MYO15A: variants seen among roughly 807,000 people sequenced by gnomAD.
MYO15A encodes the protein myosin XVA.
In MYO15A, 308 loss-of-function variants were observed where a neutral mutation model predicts 394.6. The observed-to-expected ratio is 0.78, with a 90% confidence interval of 0.71 to 0.86. The LOEUF is 0.86. MYO15A is among the 40% of genes least tolerant of loss of function. MYO15A has a pLI of 0.00. For synonymous variants in MYO15A, 1,957 were observed against 2,003.8 expected, an observed-to-expected ratio of 0.98 and a Z score of 0.62; for missense variants, 4,606 against 4,799.1, an observed-to-expected ratio of 0.96 and a Z score of 1.19.
rs2046383362 is a variant in MYO15A, at chr17:18,141,641, G to GC, written c.5532-7dup. ...TCTCATAGCCCCAGACTAACTTTGG[G>GC]CCCCCTACCAGGTACTGCTGTCTAG... On this transcript the variant is annotated splice_polypyrimidine_tract_variant and intron_variant, in intron 22 of 65. Coordinates refer to ENST00000647165, the MANE Select transcript of MYO15A (RefSeq NM_016239.4). 8.7e-6 allele frequency: 14 copies of GC among 1,613,148 alleles called. No homozygotes were observed. Among genetic ancestry groups the GC allele is most frequent in the Non-Finnish European group, 1.2e-5 (14 of 1,179,374 alleles).
chr17:18,147,907 C>A lies in MYO15A; in HGVS notation c.6510-122C>A. 2 of 1,266,938 alleles carry A rather than the reference C, an allele frequency of 1.6e-6. No homozygotes were observed. The highest frequency in any genetic ancestry group is 1.2e-5 in the South Asian group (1 of 80,958). The allele number at this position is 1,266,938 out of a possible 1,614,324, so 78.5% of individuals were successfully genotyped here. A position where few individuals can be genotyped will look rare whatever the true frequency, so the allele number is the denominator to read the frequency against. ...GAGCCTTTTTAGCCTCACCTTGGAG[C>A]TCTGGAGTAGCCTGGGCCTTTCTCA... On this transcript the variant is annotated intron_variant, in intron 30 of 65. Coordinates refer to ENST00000647165, the MANE Select transcript of MYO15A (RefSeq NM_016239.4). This position sits in a 1 kb window ranked among gnomAD's most constrained non-coding sequence, Gnocchi z 4.4.
Position 18,125,181 on chromosome 17 carries a change from A to G in MYO15A, c.3706A>G (p.Thr1236Ala). Residue 1236 changes from threonine to alanine, a missense_variant, in exon 4 of 66, where the codon ACC (threonine) becomes GCC (alanine). By Grantham distance (58) the Thr-to-Ala change is moderately conservative. This residue lies in a region of MYO15A where 2,776 missense variants were observed against 3,109.3 expected (regional missense o/e 0.89). Coordinates refer to ENST00000647165, the MANE Select transcript of MYO15A (RefSeq NM_016239.4). The stretch of plus-strand genomic sequence containing the variant: ...GTGTCCTTCTAGAGACCTCCAGGAA[A>G]CCACTGTGCTGTCCAACCTCAAGAT... The part of the protein sequence containing the change: ...DMTQLEDLQE[T>A]TVLSNLKIRF... 1.2e-6 allele frequency: 2 copies of G among 1,614,158 alleles called. No homozygotes were observed. Among genetic ancestry groups the G allele is most frequent in the Non-Finnish European group, 8.5e-7 (1 of 1,180,024 alleles).
chr17:18,138,129 T>G lies in MYO15A; in HGVS notation c.4890T>G (p.Arg1630=), dbSNP rs1418319473. The change falls in exon 17 of 66, where the codon CGT becomes CGG. Residue 1630 remains arginine (R), a synonymous_variant. Transcript: ENST00000647165. ...ACTGCCTGCAGGAGGAGTACATCCGTGAGCAGATAGACTGGCAGGAGATCA... is the reference window on the plus strand; with the variant it reads ...ACTGCCTGCAGGAGGAGTACATCCGGGAGCAGATAGACTGGCAGGAGATCA... The part of the protein sequence containing the change: ...VFQEEQEEYI[R]EQIDWQEITF... 1.2e-6 allele frequency: 2 copies of G among 1,612,342 alleles called. No homozygotes were observed. The highest frequency in any genetic ancestry group is 3.3e-5 in the Admixed American group (2 of 60,022).
chr17:18,154,296 C>T, intron 44 of MYO15A, 106 bp downstream of exon 44: 3 of 1,362,452 alleles, frequency 2.2e-6, no homozygotes, highest in Non-Finnish European at 3.1e-6. Flanking sequence ...GATTTGGGGT[C>T]CTTGACAGGG....
intron 65 of MYO15A, 38 bp downstream of exon 65, chr17:18,173,959 G>A (rs1965218726): frequency 6.2e-7 from 1 of 1,602,620 alleles, no homozygotes; most frequent in East Asian, 2.3e-5. Context: ...CACTCACTGG[G>A]CCCTTCTCTG....
rs1330168366 is a variant in MYO15A, at chr17:18,120,769, T to C, written c.1969T>C (p.Trp657Arg). 3 of 1,435,540 alleles carry C rather than the reference T, an allele frequency of 2.1e-6. No individual in the cohort carries two copies. In the African/African-American group the frequency reaches 4.6e-5, roughly 22 times the overall value. 88.9% of individuals were successfully genotyped at this position (1,435,540 alleles called of 1,614,324 possible). A position where few individuals can be genotyped will look rare whatever the true frequency, so the allele number is the denominator to read the frequency against. Residue 657 changes from tryptophan (W) to arginine (R), a missense_variant, in exon 2 of 66, where the codon TGG becomes CGG. By Grantham distance (101) the Trp-to-Arg change is moderately radical. Around this residue, in one of 2 missense-constraint regions of MYO15A, gnomAD observed 1,830 missense variants for 1,689.7 expected, o/e 1.08. Transcript: ENST00000647165. Reference protein sequence around the residue: ...PQPAPRTLSHWSALLSPPVPP... With the variant: ...PQPAPRTLSHRSALLSPPVPP... Reference sequence around the variant, plus strand: ...GCCCGCGCCCAGGACCCTCTCCCACTGGAGCGCGCTCCTGTCTCCGCCCGT... The same window carrying C: ...GCCCGCGCCCAGGACCCTCTCCCACCGGAGCGCGCTCCTGTCTCCGCCCGT...
At chr17:18,126,591 A>G in intron 5 of MYO15A, 135 bp downstream of exon 5, 1 of 1,071,870 alleles carries the variant, frequency 9.3e-7, no homozygotes, top group Non-Finnish European at 1.4e-6. Context: ...TCAATCTGAC[A>G]GTCTCTCCCC....
chr17:18,137,466 G>T (rs941913539), intron 15 of MYO15A, 118 bp from the exon 16 acceptor site: 274 of 800,948 alleles, frequency 3.4e-4, no homozygotes, highest in Non-Finnish European at 5.0e-4. Context: ...GTGGAGGGTT[G>T]TGAGCTGAGG....
chr17:18,116,723 C>A (rs1387901681), intron 1 of MYO15A, among the ~76,000 whole-genome samples: 1 of 152,016 alleles, frequency 6.6e-6, no homozygotes, highest in African/African-American at 2.4e-5. Context: ...GAGTTTGAGA[C>A]CATCCCGGCC....
chr17:18,156,840 T>A (rs1355739316), intron 48 of MYO15A, 114 bp from the exon 49 acceptor site: 2 of 954,480 alleles, frequency 2.1e-6, no homozygotes, highest in African/African-American at 3.2e-5. Context: ...TCTCACCTAA[T>A]GAAGGCTCCC....
At chr17:18,136,835 G>T in intron 15 of MYO15A, 149 bp downstream of exon 15, 5 of 1,235,392 alleles carry the variant, frequency 4.0e-6, no homozygotes, top group Non-Finnish European at 5.6e-6. Flanking sequence ...CATCTCCCTT[G>T]TCTCCTTCCA....
chr17:18,111,078 C>T (rs1218075790), intron 1 of MYO15A, among the ~76,000 whole-genome samples: 1 of 152,192 alleles, frequency 6.6e-6, no homozygotes, highest in Non-Finnish European at 1.5e-5. Context: ...GTGGATCATA[C>T]CTGTAAACCC....
In MYO15A at chr17:18,136,819, T is replaced by C. The variant is rs554082504; in HGVS notation, c.4779+133T>C. On this transcript the variant is annotated intron_variant, in intron 15 of 65. Coordinates refer to ENST00000647165, the MANE Select transcript of MYO15A (RefSeq NM_016239.4). ...CATCCTCCCTTCATGGACCCCTCCC[T>C]GTCACCATCTCCCTTGTCTCCTTCC... 3 of 1,281,970 alleles carry C rather than the reference T, an allele frequency of 2.3e-6. No homozygotes were observed. In the South Asian group the frequency reaches 4.2e-5, roughly 18 times the overall value. 79.4% of individuals were successfully genotyped at this position (1,281,970 alleles called of 1,614,324 possible).
rs372314009 is a variant in MYO15A, at chr17:18,158,966, G to A, written c.9125G>A (p.Arg3042Lys). ...AAATCCAAGGAGCCTCGGGAGTCCA[G>A]AACCTTGGAGGACATGCTTTGCTTC... Reference protein sequence around the residue: ...RLKSKEPRESRTLEDMLCFTK... With the variant: ...RLKSKEPRESKTLEDMLCFTK... The change falls in exon 53 of 66, where the codon AGA becomes AAA. Residue 3042 changes from arginine (R) to lysine (K), a missense_variant. Around this residue, in one of 2 missense-constraint regions of MYO15A, gnomAD observed 2,776 missense variants for 3,109.3 expected, o/e 0.89. Transcript: ENST00000647165. 1.9e-6 allele frequency: 3 copies of A among 1,614,078 alleles called. No homozygotes were observed. The highest frequency in any genetic ancestry group is 2.2e-5 in the East Asian group (1 of 44,872).
chr17:18,167,446 C>T (rs1440084094), intron 61 of MYO15A, 144 bp from the exon 62 acceptor site: 5 of 1,347,090 alleles, frequency 3.7e-6, no homozygotes, highest in East Asian at 2.4e-5. Context: ...CATCATTCCC[C>T]GAAACCCAGG....
intron 13 of MYO15A, 58 bp downstream of exon 13, chr17:18,135,882 C>G: frequency 4.7e-6 from 7 of 1,485,718 alleles, no homozygotes; most frequent in Non-Finnish European, 5.6e-6. Context: ...CTGGACAGAG[C>G]TGCTTGTGCC....
chr17:18,155,582 G>T, intron 47 of MYO15A, 150 bp downstream of exon 47: 1 of 781,260 alleles, frequency 1.3e-6, no homozygotes. Context: ...TAGAGCTGGG[G>T]AAACTGAGGC....
At position 18,120,523 on chromosome 17, in the gene MYO15A, T is replaced by A. The variant is rs780381020; in HGVS notation, c.1723T>A (p.Phe575Ile). ...VPRPATSLARFLKKTLSEKKP... is the reference protein window; with the variant it reads ...VPRPATSLARILKKTLSEKKP... Reference sequence around the variant, plus strand: ...TCGCCCTGCCACCTCGCTTGCGCGGTTCCTCAAGAAGACGCTGTCGGAGAA... The same window carrying A: ...TCGCCCTGCCACCTCGCTTGCGCGGATCCTCAAGAAGACGCTGTCGGAGAA... Residue 575 changes from phenylalanine to isoleucine, a missense_variant, in exon 2 of 66, where the codon TTC becomes ATC. Transcript: ENST00000647165. 3.1e-6 allele frequency: 5 copies of A among 1,589,554 alleles called. No individual in the cohort carries two copies. In the South Asian group the frequency reaches 5.6e-5, roughly 18 times the overall value.
intron 10 of MYO15A, 120 bp downstream of exon 10, chr17:18,131,651 T>A: frequency 8.6e-7 from 1 of 1,162,350 alleles, no homozygotes; most frequent in Non-Finnish European, 1.3e-6. Flanking sequence ...AATACATGCG[T>A]ACATGTGTAC....
Sources: gnomAD v4.1 joint callset for allele counts (sites outside exome capture counted in the v4.1 genomes callset) on GRCh38, gnomAD v4.1.1 for gene constraint, gnomAD v4.1.1 regional missense constraint, Gnocchi (gnomAD v3.1) non-coding constraint, MANE v1.5 for transcripts, NCBI Gene and HGNC (gene_info 2026-07-23, HGNC 2026-07-21) for gene names.